Variants in PDE11A observed in about 807,000 individuals in gnomAD.
The protein encoded by PDE11A is dual 3',5'-cyclic-AMP and -GMP phosphodiesterase 11A.
A neutral mutation model predicts 100.5 loss-of-function variants in PDE11A; 100 were observed. That is an observed-to-expected ratio of 1.00 (90% CI 0.85 to 1.18). PDE11A has a LOEUF of 1.18. PDE11A is among the 50% of genes most tolerant of loss of function. The pLI is 0.00. For synonymous variants in PDE11A, 381 were observed against 420.8 expected (o/e 0.91, Z 1.16); for missense variants, 1,141 against 1,152.6 (o/e 0.99, Z 0.15).
chr2:177,787,269 T>A (rs1352611726), intron 9 of PDE11A, among the ~76,000 whole-genome samples: 1 of 149,640 alleles, frequency 6.7e-6, no homozygotes, highest in African/African-American at 2.5e-5. Context: ...CAACCCAGAA[T>A]TTCATATCCA....
At chr2:177,667,159 C>G (rs2080600993) in intron 18 of PDE11A, among the ~76,000 whole-genome samples, 1 of 152,108 alleles carries the variant, frequency 6.6e-6, no homozygotes, top group South Asian at 2.1e-4. Flanking sequence ...AGTGATCAGG[C>G]CGCCTCAGCA....
chr2:178,077,750 C>A (rs757679933), upstream of PDE11A, among the ~76,000 whole-genome samples: 1 of 152,030 alleles, frequency 6.6e-6, no homozygotes, highest in Non-Finnish European at 1.5e-5. Flanking sequence ...GGTTCTAAAT[C>A]AAGTGACACT....
At chr2:178,062,255 G>C (rs2086981360) in intron 1 of PDE11A, among the ~76,000 whole-genome samples, 1 of 151,892 alleles carries the variant, frequency 6.6e-6, no homozygotes, top group African/African-American at 2.4e-5. Flanking sequence ...CTATGGCTAG[G>C]GCTGTCTTGG....
intron 3 of PDE11A, among the ~76,000 whole-genome samples, chr2:177,900,727 C>A (rs1341161340): frequency 6.6e-6 from 1 of 151,812 alleles, no homozygotes; most frequent in East Asian, 1.9e-4. Context: ...CACTGCACTA[C>A]AGCCTGGATG....
intron 6 of PDE11A, among the ~76,000 whole-genome samples, chr2:177,824,975 A>C (rs2083204873): frequency 6.6e-6 from 1 of 152,176 alleles, no homozygotes; most frequent in Non-Finnish European, 1.5e-5. Flanking sequence ...TAGTTTGTAA[A>C]TTTTAGATAA....
In PDE11A at chr2:178,096,164, C is replaced by CTTTTTTTTTTTTTTTTTTTTTTTT. The variant is rs1257178630; in HGVS notation, c.162+8137_162+8138insAAAAAAAAAAAAAAAAAAAAAAAA. On this transcript the variant is annotated intron_variant, in intron 2 of 20. Transcript: ENST00000358450. ...TCCCCAGAAAACAGGTTTTTCTTTT[C>CTTTTTTTTTTTTTTTTTTTTTTTT]TTTTCTTTTTTTTTTTTGAGATGGA... Among the ~76,000 whole-genome samples, 677 of 110,034 alleles carry CTTTTTTTTTTTTTTTTTTTTTTTT rather than the reference C, an allele frequency of 6.2e-3. 33 individuals carry two copies. Among genetic ancestry groups the CTTTTTTTTTTTTTTTTTTTTTTTT allele is most frequent in the Non-Finnish European group, 8.1e-3 (411 of 50,442 alleles). 72.2% of individuals were successfully genotyped at this position (110,034 alleles called of 152,430 possible).
chr2:178,051,246 C>A (rs1297846329), intron 1 of PDE11A, among the ~76,000 whole-genome samples: 1 of 152,106 alleles, frequency 6.6e-6, no homozygotes, highest in Admixed American at 6.5e-5. Context: ...ATTTCATATC[C>A]AGCCAAACTA....
intron 19 of PDE11A, among the ~76,000 whole-genome samples, chr2:177,630,201 G>T (rs2079897279): frequency 6.6e-6 from 1 of 152,132 alleles, no homozygotes; most frequent in Admixed American, 6.5e-5. Flanking sequence ...GGAAATGTAG[G>T]GTGTGGCCAG....
intron 19 of PDE11A, among the ~76,000 whole-genome samples, chr2:177,637,962 C>T (rs527239223): frequency 2.3e-5 from 3 of 132,000 alleles, no homozygotes; most frequent in South Asian, 2.4e-4. Context: ...TACATATATA[C>T]GTATATATAT....
At chr2:177,858,907 T>A (rs1012692996) in intron 5 of PDE11A, among the ~76,000 whole-genome samples, 13 of 152,118 alleles carry the variant, frequency 8.5e-5, no homozygotes, top group Non-Finnish European at 1.6e-4. Context: ...CATGGAATAC[T>A]ATGCAGCCAT....
intron 6 of PDE11A, among the ~76,000 whole-genome samples, chr2:177,832,165 A>C (rs1251075603): frequency 6.6e-6 from 1 of 152,200 alleles, no homozygotes; most frequent in Admixed American, 6.5e-5. Context: ...AGTGATCAGT[A>C]GTGTGATGGT....
At chr2:177,803,689 TAAAAAC>T (rs2105557175) in intron 9 of PDE11A, among the ~76,000 whole-genome samples, 1 of 151,788 alleles carries the variant, frequency 6.6e-6, no homozygotes, top group East Asian at 1.9e-4. Context: ...CAAACAGAAT[TAAAAAC>T]AAAAACCATA....
At chr2:177,876,599 C>A (rs1011962018) in intron 4 of PDE11A, among the ~76,000 whole-genome samples, 4 of 148,326 alleles carry the variant, frequency 2.7e-5, no homozygotes, top group African/African-American at 7.7e-5. Flanking sequence ...CCAGGCCCTA[C>A]AGCAGAAGCT....
intron 10 of PDE11A, among the ~76,000 whole-genome samples, chr2:177,743,949 G>C (rs1006982009): frequency 6.6e-6 from 1 of 152,154 alleles, no homozygotes; most frequent in African/African-American, 2.4e-5. Context: ...TTAGGTATCT[G>C]TATCACTCAG....
chr2:177,660,124 TTTCTTTCA>T (rs1559130831), intron 19 of PDE11A, among the ~76,000 whole-genome samples: 11,450 of 113,928 alleles, frequency 0.1, 1,523 homozygotes, highest in East Asian at 0.25. Context: ...TCTTTCTTTC[TTTCTTTCA>T]TTCCTTCTCT....
intron 9 of PDE11A, among the ~76,000 whole-genome samples, chr2:177,789,562 TA>T (rs1441807156): frequency 6.6e-6 from 1 of 151,508 alleles, no homozygotes; most frequent in East Asian, 1.9e-4. Context: ...AAGAAGGAAA[TA>T]AAGGGTATTC....
intron 2 of PDE11A, among the ~76,000 whole-genome samples, chr2:177,950,737 C>A (rs1175895514): frequency 6.6e-6 from 1 of 152,202 alleles, no homozygotes; most frequent in East Asian, 1.9e-4. Context: ...CGGTGAAACC[C>A]CGTCTTTATT....
chr2:177,940,639 G>A (rs1400169973), intron 2 of PDE11A, among the ~76,000 whole-genome samples: 1 of 152,114 alleles, frequency 6.6e-6, no homozygotes, highest in Non-Finnish European at 1.5e-5. Flanking sequence ...AATTCACTTT[G>A]CAAATAATAG....
chr2:177,913,403 T>C (rs10174604), intron 2 of PDE11A, among the ~76,000 whole-genome samples: 1 of 152,048 alleles, frequency 6.6e-6, no homozygotes, highest in Non-Finnish European at 1.5e-5. Context: ...TAATTGAGGG[T>C]TGTGTACCCT....
Sources: allele counts gnomAD v4.1 joint callset (sites outside exome capture counted in the v4.1 genomes callset), GRCh38; gene constraint gnomAD v4.1.1; transcripts MANE v1.5; gene names NCBI Gene and HGNC (gene_info 2026-07-23, HGNC 2026-07-21).